NIBAN1: variants seen among roughly 807,000 people sequenced by gnomAD.
NIBAN1 encodes protein Niban 1.
In NIBAN1, 81 loss-of-function variants were observed where a neutral mutation model predicts 75.1. The observed-to-expected ratio is 1.08, with a 90% CI of 0.90 to 1.30. NIBAN1 has a LOEUF of 1.30. NIBAN1 is among the 50% of genes most tolerant of loss of function. NIBAN1 has a pLI of 0.00. For synonymous variants in NIBAN1, 436 were observed against 424.8 expected (o/e 1.03, Z -0.32); for missense variants, 1,133 against 1,128.1 (o/e 1.00, Z -0.06).
chr1:184,821,582 T>C (rs1033138538), intron 8 of NIBAN1: 1 of 152,334 alleles, frequency 6.6e-6, no homozygotes, highest in East Asian at 1.9e-4. Context: ...TTTTCCATCA[T>C]ATGTGGATAC....
At chr1:184,831,512 C>T (rs560544667) in intron 6 of NIBAN1, among the ~76,000 whole-genome samples, 9 of 152,160 alleles carry the variant, frequency 5.9e-5, no homozygotes, top group South Asian at 2.1e-4. Flanking sequence ...TCATGCACTT[C>T]GCACTATTCC....
chr1:184,923,243 A>G (rs1292665381), intron 1 of NIBAN1, among the ~76,000 whole-genome samples: 2 of 152,230 alleles, frequency 1.3e-5, no homozygotes, highest in Non-Finnish European at 2.9e-5. Context: ...GTTTTTGTAT[A>G]TGGCAAGAGG....
At chr1:184,818,436 T>A (rs1571488946) in intron 9 of NIBAN1, among the ~76,000 whole-genome samples, 1 of 152,168 alleles carries the variant, frequency 6.6e-6, no homozygotes, top group East Asian at 1.9e-4. Context: ...TCAGTAAAAC[T>A]ATCAGATGGG....
chr1:184,893,186 CTAAAAAATGTGTACAGTA>C (rs1277919921), intron 3 of NIBAN1, among the ~76,000 whole-genome samples: 3 of 152,224 alleles, frequency 2.0e-5, no homozygotes, highest in African/African-American at 7.2e-5. Context: ...TCTATGCAGA[CTAAAAAATGTGTACAGTA>C]TGAGATCTGG....
At chr1:184,906,268 AAC>A (rs35005865) in intron 1 of NIBAN1, among the ~76,000 whole-genome samples, 10 of 149,678 alleles carry the variant, frequency 6.7e-5, no homozygotes, top group East Asian at 3.9e-4. Context: ...AAAATAAATG[AAC>A]ACACACACAC....
intron 9 of NIBAN1, among the ~76,000 whole-genome samples, chr1:184,816,820 GGTCATTT>G (rs1654549882): frequency 6.7e-6 from 1 of 149,274 alleles, no homozygotes; most frequent in African/African-American, 2.5e-5. Context: ...CTAAGGTTTT[GGTCATTT>G]TCTCAAAATT....
intron 3 of NIBAN1, 107 bp downstream of exon 3, chr1:184,893,968 G>A: frequency 8.7e-7 from 1 of 1,153,020 alleles, no homozygotes; most frequent in Non-Finnish European, 1.2e-6. Context: ...CCAGTACCAT[G>A]CTGATTTTGT....
At chr1:184,940,297 C>T (rs1658057089) in intron 1 of NIBAN1, among the ~76,000 whole-genome samples, 2 of 152,226 alleles carry the variant, frequency 1.3e-5, no homozygotes, top group South Asian at 4.1e-4. Flanking sequence ...ATACAATCTC[C>T]ACTTCCACTG....
At chr1:184,952,502 GGAA>G (rs940353385) in intron 1 of NIBAN1, among the ~76,000 whole-genome samples, 40 of 152,290 alleles carry the variant, frequency 2.6e-4, no homozygotes, top group South Asian at 1.2e-3. Flanking sequence ...GGGCCACATT[GGAA>G]GAAGAAGAAT....
chr1:184,919,892 A>G (rs1369310108), intron 1 of NIBAN1, among the ~76,000 whole-genome samples: 2 of 151,674 alleles, frequency 1.3e-5, no homozygotes, highest in Non-Finnish European at 2.9e-5. Context: ...ACCTTCAAGC[A>G]GAAGAAATTT....
chr1:184,961,330 A>G (rs976084244), intron 1 of NIBAN1, among the ~76,000 whole-genome samples: 14 of 151,916 alleles, frequency 9.2e-5, no homozygotes, highest in Middle Eastern at 3.4e-3. Context: ...CGGCCTCCCA[A>G]AGTGCTGGGA....
At chr1:184,891,570 A>G (rs1177335236) in intron 3 of NIBAN1, among the ~76,000 whole-genome samples, 1 of 152,118 alleles carries the variant, frequency 6.6e-6, no homozygotes, top group Non-Finnish European at 1.5e-5. Context: ...TGTTATCTCC[A>G]TTTTTCAAAT....
Position 184,795,414 on chromosome 1 carries a change from C to G in NIBAN1, c.2350G>C (p.Glu784Gln), listed in dbSNP as rs1230607359. Residue 784 changes from glutamate to glutamine, a missense_variant, in exon 14 of 14, where the codon GAG becomes CAG. By Grantham distance (29) the Glu-to-Gln change is conservative. Transcript: ENST00000367511. ...QPPCPEAHGE[E>Q]LGGFPEVGSP... ...CCTACCTCTGGAAATCCCCCCAACT[C>G]CTCCCCATGGGCCTCGGGACAGGGA... is the stretch of plus-strand genomic sequence containing the variant. 2 of 1,606,968 alleles carry G rather than the reference C, an allele frequency of 1.2e-6. No homozygotes were observed. Among genetic ancestry groups the G allele is most frequent in the African/African-American group, 1.3e-5 (1 of 74,698 alleles).
intron 9 of NIBAN1, among the ~76,000 whole-genome samples, chr1:184,812,555 A>G (rs1654413683): frequency 6.6e-6 from 1 of 152,210 alleles, no homozygotes; most frequent in Non-Finnish European, 1.5e-5. Context: ...ATCACTGCTT[A>G]TCTCCATCTT....
At chr1:184,814,070 C>T (rs1254202982) in intron 9 of NIBAN1, among the ~76,000 whole-genome samples, 1 of 152,008 alleles carries the variant, frequency 6.6e-6, no homozygotes, top group African/African-American at 2.4e-5. Flanking sequence ...AAATTTTTGC[C>T]TAGGTTAGAG....
At chr1:184,969,857 TGGAGTTC>T (rs1046154966) in intron 1 of NIBAN1, among the ~76,000 whole-genome samples, 75 of 151,952 alleles carry the variant, frequency 4.9e-4, no homozygotes, top group Middle Eastern at 3.4e-3. Context: ...TGAACAAAAC[TGGAGTTC>T]TGTTAGAAAA....
At chr1:184,888,193 GAA>G (rs1168350267) in intron 4 of NIBAN1, 2 of 151,902 alleles carry the variant, frequency 1.3e-5, no homozygotes, top group African/African-American at 2.4e-5. Flanking sequence ...TGTCTCAAAA[GAA>G]AAAAGAAAAA....
intron 1 of NIBAN1, among the ~76,000 whole-genome samples, chr1:184,921,421 AC>A (rs1382686820): frequency 1.3e-5 from 2 of 152,208 alleles, no homozygotes; most frequent in African/African-American, 4.8e-5. Flanking sequence ...AAGAAACAGA[AC>A]CAGCTGAGCA....
chr1:184,811,585 G>A (rs1306918916), intron 9 of NIBAN1, among the ~76,000 whole-genome samples: 1 of 149,984 alleles, frequency 6.7e-6, no homozygotes, highest in African/African-American at 2.5e-5. Flanking sequence ...CTCACTGAAA[G>A]TTCCACCTCC....
Sources: allele counts gnomAD v4.1 joint callset (sites outside exome capture counted in the v4.1 genomes callset), GRCh38; gene constraint gnomAD v4.1.1; transcripts MANE v1.5; gene names NCBI Gene and HGNC (gene_info 2026-07-23, HGNC 2026-07-21).